The following CKMT2 variants were observed in gnomAD, a reference collection of about 807,000 sequenced individuals.
CKMT2 encodes creatine kinase S-type, mitochondrial.
A neutral mutation model predicts 48.9 loss-of-function variants in CKMT2; 43 were observed. The observed-to-expected ratio is 0.88, with a 90% confidence interval of 0.69 to 1.13. CKMT2 has a LOEUF of 1.13. CKMT2 is among the 50% of genes most tolerant of loss of function. CKMT2 has a pLI of 0.00. For missense variants in CKMT2, 472 were observed against 555.4 expected (o/e 0.85, Z 1.51); for synonymous variants, 206 against 213.0 (o/e 0.97, Z 0.29).
At chr5:81,243,502 A>G (rs1756505183) in intron 1 of CKMT2, among the ~76,000 whole-genome samples, 1 of 152,214 alleles carries the variant, frequency 6.6e-6, no homozygotes, top group Non-Finnish European at 1.5e-5. Flanking sequence ...AGTCATATAC[A>G]GTATATAATA....
chr5:81,237,502 G>A (rs1413023867), intron 1 of CKMT2: 1 of 139,444 alleles, frequency 7.2e-6, no homozygotes, highest in East Asian at 1.9e-4. Flanking sequence ...CCCACTCTTG[G>A]AGAGACTCAT....
rs759633723 is a variant in CKMT2 at position 81,254,950 on chromosome 5, T to G, written c.448-43T>G. ...ACCCACTGTGGCTGTGGCAGGACCA[T>G]GGTCCGAGGCTGGCCACAGTGACCC... On this transcript the variant is annotated intron_variant, in intron 4 of 9. Transcript: ENST00000254035. 1.8e-5 allele frequency: 27 copies of G among 1,542,004 alleles called. 1 individual carries two copies.
At chr5:81,251,914 T>A (rs1756829661) in intron 2 of CKMT2, 1 of 152,756 alleles carries the variant, frequency 6.5e-6, no homozygotes, top group African/African-American at 2.4e-5. Flanking sequence ...TGTGATGAAA[T>A]GAAAGCCTAG....
chr5:81,252,350 G>GTT, intron 2 of CKMT2: 1 of 275,986 alleles, frequency 3.6e-6, no homozygotes, highest in East Asian at 9.1e-5. Flanking sequence ...CATGACTTGT[G>GTT]TTTGAGGCTG....
At chr5:81,253,028 C>T in intron 3 of CKMT2, 135 bp downstream of exon 3, 1 of 882,300 alleles carries the variant, frequency 1.1e-6, no homozygotes, top group Non-Finnish European at 1.8e-6. Context: ...TAAAGGGAAG[C>T]CAGCTCCAGC....
At chr5:81,263,663 A>G in intron 9 of CKMT2, 47 bp downstream of exon 9, 5 of 1,557,444 alleles carry the variant, frequency 3.2e-6, no homozygotes, top group Non-Finnish European at 3.5e-6. Context: ...AAATCAGCCT[A>G]AGAGAGAATA....
intron 1 of CKMT2, among the ~76,000 whole-genome samples, chr5:81,240,042 T>C (rs998803918): frequency 1.9e-4 from 29 of 150,482 alleles, no homozygotes; most frequent in Middle Eastern, 3.4e-3. Context: ...CCTCACCCCC[T>C]CTTTCCCCTC....
intron 1 of CKMT2, among the ~76,000 whole-genome samples, chr5:81,249,095 T>C (rs926450820): frequency 3.3e-5 from 5 of 151,466 alleles, no homozygotes; most frequent in Admixed American, 2.6e-4. Context: ...GTCACCCAGG[T>C]TGGATTGCAG....
intron 1 of CKMT2, among the ~76,000 whole-genome samples, chr5:81,233,713 C>A (rs533680869): frequency 6.6e-6 from 1 of 152,164 alleles, no homozygotes; most frequent in Non-Finnish European, 1.5e-5. Context: ...AAGTTTGGGA[C>A]AACTTTAAAC....
chr5:81,266,326 AGTTTT>A lies in CKMT2; in HGVS notation c.*69_*73del, dbSNP rs1757384683. ...GACAGACATAAATCTCTACTCTGAG[AGTTTT>A]TATACACTTGGAAAAATATAAAATT... On this transcript the variant is annotated 3_prime_UTR_variant, in exon 10 of 10. Coordinates refer to ENST00000254035, the MANE Select transcript of CKMT2 (RefSeq NM_001099735.2). The A allele has an allele frequency of 2.0e-6, 3 of 1,484,478 alleles. No homozygotes were observed. Among genetic ancestry groups the A allele is most frequent in the Non-Finnish European group, 2.8e-6 (3 of 1,075,836 alleles). 92.0% of individuals were successfully genotyped at this position (1,484,478 alleles called of 1,614,324 possible). A position where few individuals can be genotyped will look rare whatever the true frequency, so the allele number is the denominator to read the frequency against.
rs748790664 is a variant in CKMT2 at position 81,255,098 on chromosome 5, C to T, written c.553C>T (p.Arg185Ter). The change falls in exon 5 of 10, where the codon CGA (arginine) becomes TGA (stop). Residue 185 changes from arginine to a stop codon, truncating the protein, a stop_gained. Coordinates refer to ENST00000254035, the MANE Select transcript of CKMT2 (RefSeq NM_001099735.2). LOFTEE classifies it high-confidence loss of function. ...GCCTCCAGCCTGCACCCGGGCCGAG[C>T]GAAGGGAGGTAGAGAACGTGGCCAT... is the stretch of plus-strand genomic sequence containing the variant. ...SLPPACTRAE[R>*]REVENVAITA... The T allele has an allele frequency of 6.0e-5, 97 of 1,613,936 alleles. No individual in the cohort carries two copies. Among genetic ancestry groups the T allele is most frequent in the Non-Finnish European group, 7.8e-5 (92 of 1,180,018 alleles).
intron 7 of CKMT2, 186 bp downstream of exon 7, chr5:81,258,042 GGT>G: frequency 2.1e-6 from 1 of 472,196 alleles, no homozygotes; most frequent in Non-Finnish European, 3.8e-6. Flanking sequence ...TGGGATTACA[GGT>G]GCCACCACCA....
chr5:81,253,618 G>A (rs1756897198), intron 3 of CKMT2, among the ~76,000 whole-genome samples: 1 of 152,180 alleles, frequency 6.6e-6, no homozygotes, highest in African/African-American at 2.4e-5. Context: ...AGAGAAGAGA[G>A]GGAGCCATCT....
At chr5:81,251,730 A>G (rs1323730749) in intron 2 of CKMT2, among the ~76,000 whole-genome samples, 3 of 152,212 alleles carry the variant, frequency 2.0e-5, no homozygotes, top group Admixed American at 6.5e-5. Flanking sequence ...TCATTTTGAG[A>G]CTCATTAAGC....
chr5:81,245,199 G>A (rs1363796163), intron 1 of CKMT2: 1 of 152,160 alleles, frequency 6.6e-6, no homozygotes, highest in African/African-American at 2.4e-5. Flanking sequence ...GGGCAGGGTA[G>A]AATCCCTTGT....
chr5:81,254,700 G>T, intron 4 of CKMT2: 1 of 596,652 alleles, frequency 1.7e-6, no homozygotes, highest in East Asian at 2.8e-5. Flanking sequence ...ACTAGGGAAG[G>T]GTTGGTCATT....
At chr5:81,254,266 T>C (rs542480735) in intron 3 of CKMT2, 130 bp from the exon 4 acceptor site, 6 of 670,426 alleles carry the variant, frequency 8.9e-6, no homozygotes, top group East Asian at 5.4e-5. Flanking sequence ...TCCTATATGA[T>C]AGTCCTGAAA....
rs1388963076 is a variant in CKMT2, at chr5:81,255,159, G to A, written c.614G>A (p.Gly205Asp). Residue 205 changes from glycine (G) to aspartate (D), a missense_variant, in exon 5 of 10, where the codon GGC becomes GAC. Gly to Asp is a moderately conservative substitution (Grantham distance 94, BLOSUM62 -1). Coordinates refer to ENST00000254035, the MANE Select transcript of CKMT2 (RefSeq NM_001099735.2). ...GAGGGCCTCAAGGGGGACCTGGCTG[G>A]CCGCTACTACAAGCTGTCCGAGATG... ...ALEGLKGDLA[G>D]RYYKLSEMTE... 6.2e-7 allele frequency: 1 copy of A among 1,614,034 alleles called. No individual in the cohort carries two copies. Among genetic ancestry groups the A allele is most frequent in the Non-Finnish European group, 8.5e-7 (1 of 1,180,058 alleles).
intron 5 of CKMT2, 90 bp from the exon 6 acceptor site, chr5:81,256,825 T>TAA: frequency 1.2e-6 from 1 of 860,262 alleles, no homozygotes; most frequent in Non-Finnish European, 1.9e-6. Context: ...GCAGCCATGA[T>TAA]AAGTGGGTTG....
Sources: allele counts gnomAD v4.1 joint callset (sites outside exome capture counted in the v4.1 genomes callset), GRCh38; gene constraint gnomAD v4.1.1; transcripts MANE v1.5; gene names NCBI Gene and HGNC (gene_info 2026-07-23, HGNC 2026-07-21).